RYR2: variants seen among roughly 807,000 people sequenced by gnomAD.
RYR2 encodes the protein cardiac muscle ryanodine receptor-calcium release channel.
A neutral mutation model predicts 601.1 loss-of-function variants in RYR2; 227 were observed. That is an observed-to-expected ratio of 0.38 (90% confidence interval 0.34 to 0.42). The LOEUF is 0.42. RYR2 is among the 10% of genes least tolerant of loss of function. RYR2 has a pLI of 1.00. For synonymous variants in RYR2, 2,223 were observed against 2,175.1 expected (o/e 1.02, Z -0.61); for missense variants, 4,646 against 6,156.5 (o/e 0.75, Z 8.21).
chr1:237,705,308 C>A lies in RYR2; in HGVS notation c.9545C>A (p.Ser3182Tyr). 1 of 1,604,794 alleles carries A rather than the reference C, an allele frequency of 6.2e-7. No individual in the cohort carries two copies. The highest frequency in any genetic ancestry group is 1.3e-5 in the African/African-American group (1 of 74,954). ...CATCTGGACAAACATAATATTTACT[C>A]CATCTACAATACCAAGTCTTCACGA... ...ETHLDKHNIY[S>Y]IYNTKSSRER... Residue 3182 changes from serine to tyrosine, a missense_variant, in exon 67 of 105, where the codon TCC (serine) becomes TAC (tyrosine). Transcript: ENST00000366574.
intron 80 of RYR2, among the ~76,000 whole-genome samples, chr1:237,743,119 A>C (rs1378023023): frequency 6.6e-6 from 1 of 152,086 alleles, no homozygotes; most frequent in Non-Finnish European, 1.5e-5. Context: ...GGGAAATAGA[A>C]ATTAGATTCT....
chr1:237,504,561 A>T (rs1665014079), intron 22 of RYR2, among the ~76,000 whole-genome samples: 1 of 152,170 alleles, frequency 6.6e-6, no homozygotes, highest in African/African-American at 2.4e-5. Context: ...GTCACAGGGG[A>T]TGCGAAGGCT....
At chr1:237,286,782 A>G in intron 2 of RYR2, among the ~76,000 whole-genome samples, 1 of 151,988 alleles carries the variant, frequency 6.6e-6, no homozygotes, top group East Asian at 1.9e-4. Context: ...TGAGTGGAGC[A>G]TTTAGGCCAT....
At chr1:237,096,560 G>T (rs1319885306) in intron 1 of RYR2, among the ~76,000 whole-genome samples, 1 of 151,952 alleles carries the variant, frequency 6.6e-6, no homozygotes, top group Non-Finnish European at 1.5e-5. Context: ...GGTATATATT[G>T]GTATATATTT....
intron 58 of RYR2, among the ~76,000 whole-genome samples, chr1:237,669,555 G>A (rs1469081682): frequency 2.0e-5 from 3 of 150,864 alleles, no homozygotes; most frequent in Non-Finnish European, 4.4e-5. Context: ...GGGCGGAGGG[G>A]CTCCTCACTT....
chr1:237,620,149 A>G (rs1678921912), intron 38 of RYR2, among the ~76,000 whole-genome samples: 1 of 152,184 alleles, frequency 6.6e-6, no homozygotes, highest in Admixed American at 6.5e-5. Context: ...ATGTATAGGG[A>G]ATATTTAAAA....
Position 237,726,294 on chromosome 1 carries a change from A to T in RYR2, c.10711A>T (p.Arg3571Ter). Residue 3571 changes from arginine (R) to a stop codon, truncating the protein, a stop_gained, in exon 75 of 105, where the codon AGA becomes TGA. Transcript: ENST00000366574. LOFTEE classifies it high-confidence loss of function. ...LEQKSKRVGR[R>*]HYCLVEHPQR... ...TCAGAAGTCTAAACGTGTGGGTCGG[A>T]GACATTACTGTCTGGGAAGTACAGT... The T allele has an allele frequency of 6.3e-7, 1 of 1,590,232 alleles. No homozygotes were observed. Among genetic ancestry groups the T allele is most frequent in the South Asian group, 1.1e-5 (1 of 87,766 alleles).
At position 237,757,948 on chromosome 1, in the gene RYR2, T is replaced by C. The variant is rs1416688732; in HGVS notation, c.11325+172T>C. ...GGAAAAAGTAATTATGTGATAGTGT[T>C]ACAAATCCAAACATAAAATGATGTC... is the stretch of plus-strand genomic sequence containing the variant. On this transcript the variant is annotated intron_variant, in intron 82 of 104. Coordinates refer to ENST00000366574, the MANE Select transcript of RYR2 (RefSeq NM_001035.3). 2.0e-5 allele frequency among the ~76,000 whole-genome samples: 3 copies of C among 152,208 alleles called. No homozygotes were observed. In the East Asian group the frequency reaches 5.8e-4, roughly 29 times the overall value.
chr1:237,286,871 T>A (rs1025189022), intron 2 of RYR2, among the ~76,000 whole-genome samples: 2 of 146,382 alleles, frequency 1.4e-5, no homozygotes, highest in Non-Finnish European at 3.0e-5. Flanking sequence ...CTTCATTTTT[T>A]AAATATGTTT....
intron 100 of RYR2, among the ~76,000 whole-genome samples, chr1:237,815,169 A>G (rs948173980): frequency 2.6e-5 from 4 of 151,914 alleles, no homozygotes; most frequent in African/African-American, 9.7e-5. Flanking sequence ...AGGACCAGGC[A>G]CCTTCCTTCC....
At chr1:237,642,212 G>T (rs1183320809) in intron 47 of RYR2, among the ~76,000 whole-genome samples, 1 of 152,082 alleles carries the variant, frequency 6.6e-6, no homozygotes, top group African/African-American at 2.4e-5. Context: ...TTTTTGTGTG[G>T]TTTAGGTTTT....
intron 101 of RYR2, among the ~76,000 whole-genome samples, chr1:237,820,552 G>C (rs1281373472): frequency 2.0e-5 from 3 of 152,184 alleles, no homozygotes; most frequent in Non-Finnish European, 4.4e-5. Flanking sequence ...TCCCTCCACT[G>C]CCTATGCCAC....
chr1:237,676,443 CAG>C (rs1217435497), intron 60 of RYR2, among the ~76,000 whole-genome samples: 1 of 152,086 alleles, frequency 6.6e-6, no homozygotes, highest in East Asian at 1.9e-4. Context: ...GCCTTATAAA[CAG>C]AGCACAGGAG....
intron 102 of RYR2, among the ~76,000 whole-genome samples, chr1:237,828,687 GGA>G (rs1382894495): frequency 6.6e-6 from 1 of 152,186 alleles, no homozygotes; most frequent in Non-Finnish European, 1.5e-5. Context: ...CTCCAGAAGT[GGA>G]GAGACTATTC....
chr1:237,639,884 A>T (rs1004739348), intron 46 of RYR2, among the ~76,000 whole-genome samples: 15 of 152,114 alleles, frequency 9.9e-5, no homozygotes, highest in Non-Finnish European at 1.9e-4. Context: ...CTAAAGAAAA[A>T]AAAGAGTTAG....
intron 34 of RYR2, 138 bp downstream of exon 34, chr1:237,595,795 A>ACCTGCC: frequency 9.7e-7 from 1 of 1,030,322 alleles, no homozygotes; most frequent in Non-Finnish European, 1.3e-6. Flanking sequence ...AGCCGAGCAG[A>ACCTGCC]CCTGCCCCTA....
At chr1:237,767,706 G>A (rs1056405488) in intron 84 of RYR2, among the ~76,000 whole-genome samples, 1 of 152,036 alleles carries the variant, frequency 6.6e-6, no homozygotes, top group African/African-American at 2.4e-5. Context: ...TAATATAATT[G>A]AAGCAGTCAT....
At chr1:237,318,414 T>A (rs1357233881) in intron 2 of RYR2, among the ~76,000 whole-genome samples, 1 of 152,166 alleles carries the variant, frequency 6.6e-6, no homozygotes, top group Non-Finnish European at 1.5e-5. Flanking sequence ...CAGTCTTTTA[T>A]GTTAATCCAC....
chr1:237,672,230 A>G (rs1398731566), intron 58 of RYR2, among the ~76,000 whole-genome samples: 1 of 152,186 alleles, frequency 6.6e-6, no homozygotes, highest in Non-Finnish European at 1.5e-5. Context: ...GTTAGTGGGT[A>G]CTTTGCATTC....
Sources: allele counts gnomAD v4.1 joint callset (sites outside exome capture counted in the v4.1 genomes callset), GRCh38; gene constraint gnomAD v4.1.1; transcripts MANE v1.5; gene names NCBI Gene and HGNC (gene_info 2026-07-23, HGNC 2026-07-21).